NEK3: variants seen among roughly 807,000 people sequenced by gnomAD.
NEK3 encodes NIMA related kinase 3.
A neutral mutation model predicts 66.0 loss-of-function variants in NEK3; 54 were observed. The ratio of observed to expected loss-of-function variants is 0.82; its 90% confidence interval spans 0.66 to 1.03. The LOEUF is 1.03. Among genes scored for constraint, NEK3 ranks in the 50% least tolerant of loss-of-function variants. NEK3 has a pLI of 0.00. For synonymous variants in NEK3, 200 were observed against 206.2 expected (o/e 0.97, Z 0.26); for missense variants, 593 against 603.0 (o/e 0.98, Z 0.17).
At chr13:52,149,100 C>T (rs559469518) in intron 7 of NEK3, among the ~76,000 whole-genome samples, 11 of 151,760 alleles carry the variant, frequency 7.2e-5, no homozygotes, top group Middle Eastern at 3.4e-3. Flanking sequence ...AGGGTTTCAC[C>T]GTGTTAGCCA....
At chr13:52,144,473 A>T (rs552034425) in intron 9 of NEK3, among the ~76,000 whole-genome samples, 3 of 152,364 alleles carry the variant, frequency 2.0e-5, no homozygotes, top group Admixed American at 1.3e-4. Flanking sequence ...TATATGTCTA[A>T]AAAAGGTCTG....
chr13:52,146,457 G>C (rs1956296508), intron 8 of NEK3, among the ~76,000 whole-genome samples: 2 of 152,150 alleles, frequency 1.3e-5, no homozygotes, highest in South Asian at 4.1e-4. Context: ...GCAGACAAGG[G>C]ATGACAGATC....
chr13:52,155,417 TC>T (rs1342991492), intron 2 of NEK3, among the ~76,000 whole-genome samples: 1 of 152,176 alleles, frequency 6.6e-6, no homozygotes, highest in African/African-American at 2.4e-5. Flanking sequence ...ATTTTTATGA[TC>T]CTTTTTCATT....
intron 9 of NEK3, among the ~76,000 whole-genome samples, chr13:52,144,463 T>C (rs912316709): frequency 5.9e-5 from 9 of 152,230 alleles, no homozygotes; most frequent in Non-Finnish European, 1.0e-4. Context: ...CAGACATTTA[T>C]ATATGTCTAA....
intron 15 of NEK3, 125 bp from the exon 16 acceptor site, chr13:52,133,351 T>G: frequency 1.2e-6 from 1 of 803,176 alleles, no homozygotes; most frequent in Non-Finnish European, 2.0e-6. Context: ...ATAAGGCAAC[T>G]GAAGGGAAAA....
chr13:52,138,472 G>GA (rs527298551), intron 11 of NEK3, among the ~76,000 whole-genome samples: 1 of 151,950 alleles, frequency 6.6e-6, no homozygotes, highest in Non-Finnish European at 1.5e-5. Context: ...ACAATGAAAA[G>GA]AAAAAAAGTA....
At chr13:52,143,881 C>T in intron 10 of NEK3, 34 bp downstream of exon 10, 1 of 1,045,424 alleles carries the variant, frequency 9.6e-7, no homozygotes, top group African/African-American at 1.6e-5. Flanking sequence ...TTTAAAAGAG[C>T]ACTTAACAAA....
chr13:52,139,414 GC>G (rs780828311), intron 11 of NEK3, among the ~76,000 whole-genome samples: 1 of 152,172 alleles, frequency 6.6e-6, no homozygotes, highest in Non-Finnish European at 1.5e-5. Flanking sequence ...GCTGCCAGGG[GC>G]TGCAGTGGTG....
chr13:52,136,811 C>A lies in NEK3; in HGVS notation c.1019G>T (p.Arg340Ile). Residue 340 changes from arginine (R) to isoleucine (I), a missense_variant, in exon 12 of 16, where the codon AGA (arginine) becomes ATA (isoleucine). By Grantham distance (97) the Arg-to-Ile change is moderately conservative (BLOSUM62 -3). Transcript: ENST00000610828. ...LVESALRRVN[R>I]EEKGNKSVHL... ...TTTGAATAACTTACCTTTTTCTTCTCTGTTTACTCTTCTCAATGCACTTTC... is the reference window on the plus strand; with the variant it reads ...TTTGAATAACTTACCTTTTTCTTCTATGTTTACTCTTCTCAATGCACTTTC... 1 of 1,553,910 alleles carries A rather than the reference C, an allele frequency of 6.4e-7. No individual in the cohort carries two copies.
At chr13:52,157,248 A>C (rs1956403142) in intron 1 of NEK3, 1 of 152,300 alleles carries the variant, frequency 6.6e-6, no homozygotes, top group South Asian at 2.1e-4. Context: ...AGGCCAGCTC[A>C]GAGACACAGG....
At chr13:52,158,121 C>T (rs574444981) in intron 1 of NEK3, among the ~76,000 whole-genome samples, 15 of 152,356 alleles carry the variant, frequency 9.8e-5, no homozygotes, top group African/African-American at 3.6e-4. Flanking sequence ...AGATGATCCG[C>T]CCGCCTCGGC....
chr13:52,134,926 T>C (rs867655684), intron 14 of NEK3, among the ~76,000 whole-genome samples: 4 of 152,196 alleles, frequency 2.6e-5, no homozygotes, highest in Non-Finnish European at 5.9e-5. Context: ...TTTTATTCTT[T>C]TTTTTATCTT....
At chr13:52,150,283 A>C (rs1249380195) in intron 7 of NEK3, among the ~76,000 whole-genome samples, 1 of 152,212 alleles carries the variant, frequency 6.6e-6, no homozygotes, top group African/African-American at 2.4e-5. Context: ...TGAGACTGAA[A>C]TGTGGAAATA....
chr13:52,133,367 C>T (rs1956171339), intron 15 of NEK3, 141 bp from the exon 16 acceptor site: 2 of 708,238 alleles, frequency 2.8e-6, no homozygotes, highest in South Asian at 2.1e-5. Flanking sequence ...GAAAAAATTG[C>T]CAGTTCTTCC....
At position 52,133,795 on chromosome 13, in the gene NEK3, C is replaced by G. The variant is rs1956178684; in HGVS notation, c.1330G>C (p.Gly444Arg). Reference sequence around the variant, plus strand: ...GCTTCTGTTTCTTCAGACAGGGGGCCTTTCAAGAACCCTTCTGAACCTTCA... The same window carrying G: ...GCTTCTGTTTCTTCAGACAGGGGGCGTTTCAAGAACCCTTCTGAACCTTCA... ...YRPGSEGFLK[G>R]PLSEETEASD... Residue 444 changes from glycine (G) to arginine (R), a missense_variant, in exon 15 of 16, where the codon GGC becomes CGC. Physicochemically the swap from Gly to Arg is moderately radical, Grantham distance 125 (BLOSUM62 -2). Coordinates refer to ENST00000610828, the MANE Select transcript of NEK3 (RefSeq NM_002498.3). 1 of 1,599,148 alleles carries G rather than the reference C, an allele frequency of 6.3e-7. No individual in the cohort carries two copies. The highest frequency in any genetic ancestry group is 8.5e-7 in the Non-Finnish European group (1 of 1,172,320).
chr13:52,133,087 T>G lies in NEK3; in HGVS notation c.*55A>C, dbSNP rs969236773. 3.7e-6 allele frequency: 5 copies of G among 1,356,736 alleles called. No homozygotes were observed. The African/African-American group carries it at 7.2e-5, about 19-fold the overall frequency. The allele number at this position is 1,356,736 out of a possible 1,614,324, so 84.0% of individuals were successfully genotyped here. On this transcript the variant is annotated 3_prime_UTR_variant, in exon 16 of 16. Transcript: ENST00000610828. The stretch of plus-strand genomic sequence containing the variant: ...GCATGAACTCATGATCATCTCAGCA[T>G]GAACTCCTGAGTGAAGCCTCTCCTC...
At chr13:52,133,645 A>ACACACG in intron 15 of NEK3, 44 bp downstream of exon 15, 1 of 1,539,882 alleles carries the variant, frequency 6.5e-7, no homozygotes. Flanking sequence ...ACACACACAC[A>ACACACG]CCCCCAACCC....
chr13:52,133,830 A>AAC lies in NEK3; in HGVS notation c.1310-17_1310-16dup, dbSNP rs774348732. 1 of 1,587,852 alleles carries AAC rather than the reference A, an allele frequency of 6.3e-7. No homozygotes were observed. The highest frequency in any genetic ancestry group is 8.6e-7 in the Non-Finnish European group (1 of 1,166,064). On this transcript the variant is annotated splice_polypyrimidine_tract_variant and intron_variant, in intron 14 of 15. Transcript: ENST00000610828. Reference sequence around the variant, plus strand: ...CCCTTCTGAACCTTCAGGAGATATTAACAGAAAATATACCAATTTAAACAG... The same window carrying AAC: ...CCCTTCTGAACCTTCAGGAGATATTAACACAGAAAATATACCAATTTAAACAG...
intron 14 of NEK3, among the ~76,000 whole-genome samples, chr13:52,135,190 T>C (rs917051444): frequency 2.0e-5 from 3 of 152,156 alleles, no homozygotes; most frequent in Admixed American, 6.5e-5. Flanking sequence ...ACAATGTTAG[T>C]AAAAATATCT....
Sources: allele counts gnomAD v4.1 joint callset (sites outside exome capture counted in the v4.1 genomes callset), GRCh38; gene constraint gnomAD v4.1.1; transcripts MANE v1.5; gene names NCBI Gene and HGNC (gene_info 2026-07-23, HGNC 2026-07-21).